CYP4F22: variants seen among roughly 807,000 people sequenced by gnomAD.
The protein encoded by CYP4F22 is cytochrome P450 family 4 subfamily F member 22, also known as ultra-long-chain fatty acid omega-hydroxylase.
CYP4F22 carries 37 observed loss-of-function variants against 60.4 expected under a neutral mutation model. The ratio of observed to expected loss-of-function variants is 0.61; its 90% confidence interval spans 0.47 to 0.81. The LOEUF (loss-of-function observed/expected upper bound fraction) is 0.81. Ranked by LOEUF, CYP4F22 falls within the 30% of genes least tolerant of loss-of-function variation. The pLI is 0.00. For missense variants in CYP4F22, 655 were observed against 715.0 expected (o/e 0.92, Z 0.96); for synonymous variants, 258 against 280.5 (o/e 0.92, Z 0.80).
intron 7 of CYP4F22, 82 bp downstream of exon 7, chr19:15,538,075 T>C (rs928852571): frequency 6.9e-6 from 11 of 1,592,748 alleles, no homozygotes; most frequent in East Asian, 2.2e-5. Context: ...CTCCCAGGCA[T>C]TAGACAACTC....
At chr19:15,516,041 AT>A (rs1971151282) in intron 1 of CYP4F22, 1 of 152,162 alleles carries the variant, frequency 6.6e-6, no homozygotes, top group South Asian at 2.1e-4. Context: ...GTCTTGAAAA[AT>A]AAAAAAGAAA....
Position 15,523,743 on chromosome 19 carries a change from A to G in CYP4F22, c.-58A>G, listed in dbSNP as rs1321038959. The G allele has an allele frequency of 6.6e-6, 1 of 152,214 alleles. No homozygotes were observed. Among genetic ancestry groups the G allele is most frequent in the Non-Finnish European group, 1.5e-5 (1 of 68,052 alleles). 9.4% of individuals were successfully genotyped at this position (152,214 alleles called of 1,614,324 possible). A position where few individuals can be genotyped will look rare whatever the true frequency, so the allele number is the denominator to read the frequency against. On this transcript the variant is annotated 5_prime_UTR_variant, in exon 2 of 14. Transcript: ENST00000269703. ...AGTGCAAGTAATTTTTTTGGGAAGT[A>G]ATAACAGAAAATACCAGCAAGGAAG...
chr19:15,525,583 G>A, intron 3 of CYP4F22, 25 bp downstream of exon 3: 1 of 1,584,608 alleles, frequency 6.3e-7, no homozygotes, highest in South Asian at 1.1e-5. Flanking sequence ...GCAGGACTGG[G>A]CTGGGCTGGG....
chr19:15,547,018 G>GTTTTGTTTTTTTT (rs1555730099), intron 10 of CYP4F22, among the ~76,000 whole-genome samples: 5 of 82,330 alleles, frequency 6.1e-5, no homozygotes, highest in African/African-American at 2.3e-4. Flanking sequence ...GCCTGCACCA[G>GTTTTGTTTTTTTT]TTTTTTTTTT....
rs368738530 is a variant in CYP4F22, at chr19:15,544,249, T to C, written c.1106T>C (p.Met369Thr). The part of the protein sequence containing the change: ...EKCREEIQEV[M>T]KGRELEELEW... ...TGCCGAGAAGAGATTCAGGAAGTCA[T>C]GAAAGGCCGGGAGCTGGAGGAGCTG... The change falls in exon 10 of 14, where the codon ATG becomes ACG. Residue 369 changes from methionine to threonine, a missense_variant. Physicochemically the swap from Met to Thr is moderately conservative, Grantham distance 81. Coordinates refer to ENST00000269703, the MANE Select transcript of CYP4F22 (RefSeq NM_173483.4). The C allele has an allele frequency of 1.2e-6, 2 of 1,613,828 alleles. No individual in the cohort carries two copies. Among genetic ancestry groups the C allele is most frequent in the African/African-American group, 1.3e-5 (1 of 74,852 alleles).
chr19:15,530,291 T>C (rs943426969), intron 4 of CYP4F22, among the ~76,000 whole-genome samples: 6 of 152,204 alleles, frequency 3.9e-5, no homozygotes, highest in African/African-American at 1.4e-4. Context: ...GAATTCCTTC[T>C]TCCTCGTGCA....
chr19:15,534,045 G>A (rs191869391), intron 4 of CYP4F22, among the ~76,000 whole-genome samples: 283 of 152,264 alleles, frequency 1.9e-3, no homozygotes, highest in Middle Eastern at 3.4e-3. Flanking sequence ...CACAGAGGGT[G>A]TGCATTAATT....
Position 15,540,705 on chromosome 19 carries a change from G to A in CYP4F22, c.927G>A (p.Leu309=), listed in dbSNP as rs765369229. The A allele has an allele frequency of 6.2e-7, 1 of 1,606,376 alleles. No individual in the cohort carries two copies. Among genetic ancestry groups the A allele is most frequent in the East Asian group, 2.3e-5 (1 of 44,402 alleles). The change falls in exon 8 of 14, where the codon CTG becomes CTA. Residue 309 remains leucine, a synonymous_variant. Transcript: ENST00000269703. ...QGKTLDFIDV[L]LLARDEDGKE... ...AGACCTTGGACTTTATTGATGTGCT[G>A]CTCCTGGCCAGGGTGAGGCTGGGCC...
At chr19:15,536,226 C>T (rs1971392755) in intron 4 of CYP4F22, among the ~76,000 whole-genome samples, 1 of 152,126 alleles carries the variant, frequency 6.6e-6, no homozygotes, top group African/African-American at 2.4e-5. Context: ...GTAGTCCCAG[C>T]TACTCGGGAG....
chr19:15,533,071 C>T (rs974895956), intron 4 of CYP4F22, among the ~76,000 whole-genome samples: 3 of 152,174 alleles, frequency 2.0e-5, no homozygotes, highest in African/African-American at 7.2e-5. Flanking sequence ...TGGAGCTGCA[C>T]AGCCCTTGAG....
chr19:15,517,374 C>CT (rs892029965), intron 1 of CYP4F22, among the ~76,000 whole-genome samples: 2 of 152,194 alleles, frequency 1.3e-5, no homozygotes, highest in African/African-American at 2.4e-5. Flanking sequence ...GTGGTCCTGC[C>CT]TGGGGGCAGA....
At chr19:15,526,731 A>T (rs192534523) in intron 3 of CYP4F22, among the ~76,000 whole-genome samples, 22 of 149,286 alleles carry the variant, frequency 1.5e-4, no homozygotes, top group Non-Finnish European at 2.8e-4. Flanking sequence ...TCTAGATGAG[A>T]TAGGCTAGAC....
chr19:15,525,863 C>CA (rs1217982987), intron 3 of CYP4F22, among the ~76,000 whole-genome samples: 1 of 151,466 alleles, frequency 6.6e-6, no homozygotes, highest in Non-Finnish European at 1.5e-5. Flanking sequence ...CCCCTCTCTA[C>CA]AAAAAATTCA....
chr19:15,536,255 C>T (rs1283186046), intron 4 of CYP4F22, among the ~76,000 whole-genome samples: 1 of 152,104 alleles, frequency 6.6e-6, no homozygotes, highest in Non-Finnish European at 1.5e-5. Context: ...GGGAGGATCG[C>T]TTGAATCCAG....
At chr19:15,545,892 G>A (rs1971521186) in intron 10 of CYP4F22, among the ~76,000 whole-genome samples, 1 of 152,116 alleles carries the variant, frequency 6.6e-6, no homozygotes, top group African/African-American at 2.4e-5. Context: ...GTGGGAGTTG[G>A]TGTGTAGACA....
intron 1 of CYP4F22, among the ~76,000 whole-genome samples, chr19:15,517,086 G>T (rs959544881): frequency 1.3e-5 from 2 of 152,178 alleles, no homozygotes; most frequent in African/African-American, 4.8e-5. Context: ...CTCCCAAAGT[G>T]CTGGGATTAC....
At chr19:15,545,632 G>A (rs1389312464) in intron 10 of CYP4F22, among the ~76,000 whole-genome samples, 1 of 112,292 alleles carries the variant, frequency 8.9e-6, no homozygotes, top group African/African-American at 3.9e-5. Flanking sequence ...CTGGGTGACA[G>A]AGTGAGACCC....
intron 3 of CYP4F22, among the ~76,000 whole-genome samples, chr19:15,529,098 C>T (rs1355735813): frequency 6.6e-6 from 1 of 151,326 alleles, no homozygotes; most frequent in Non-Finnish European, 1.5e-5. Context: ...CATGTCCCAC[C>T]AAGCCTGGCT....
intron 1 of CYP4F22, among the ~76,000 whole-genome samples, chr19:15,509,930 T>C (rs369977039): frequency 4.0e-4 from 55 of 137,874 alleles, no homozygotes; most frequent in African/African-American, 1.2e-3. Context: ...TCCTTCTTTC[T>C]TTCTTTCTTT....
Sources: allele counts gnomAD v4.1 joint callset (sites outside exome capture counted in the v4.1 genomes callset), GRCh38; gene constraint gnomAD v4.1.1; transcripts MANE v1.5; gene names NCBI Gene and HGNC (gene_info 2026-07-23, HGNC 2026-07-21).